Variants in ZNF502 observed in about 807,000 individuals in gnomAD.
ZNF502 encodes the protein zinc finger protein 502.
A neutral mutation model predicts 43.6 loss-of-function variants in ZNF502; 29 were observed. That is an observed-to-expected ratio of 0.67 (90% CI 0.50 to 0.91). ZNF502 has a LOEUF of 0.91. Among genes scored for constraint, ZNF502 ranks in the 40% least tolerant of loss-of-function variants. The pLI is 0.00. For missense variants in ZNF502, 591 were observed against 647.2 expected (o/e 0.91, Z 0.94); for synonymous variants, 171 against 207.4 (o/e 0.82, Z 1.51).
chr3:44,719,745 C>T (rs1276813447), intron 1 of ZNF502, among the ~76,000 whole-genome samples: 2 of 152,192 alleles, frequency 1.3e-5, no homozygotes, highest in Non-Finnish European at 2.9e-5. Context: ...ACTATCTCAG[C>T]TCCTTGGCAT....
rs1423749812 is a variant in ZNF502, at chr3:44,721,560, TC to T, written c.745del (p.Arg249AlafsTer206). On this transcript the variant is annotated frameshift_variant, in exon 3 of 3. Transcript: ENST00000436624. LOFTEE classifies it high-confidence loss of function. ...AAATGCAATGAATGTGGGAATTCCT[TC>T]CGCAATCACTCACATCTCACTGAAC... The part of the protein sequence containing the change: ...PYKCNECGNS[F>X]RNHSHLTEHQ... 1 of 1,607,578 alleles carries T rather than the reference TC, an allele frequency of 6.2e-7. No individual in the cohort carries two copies. Among genetic ancestry groups the T allele is most frequent in the Admixed American group, 1.7e-5 (1 of 59,572 alleles).
chr3:44,720,862 T>C lies in ZNF502; in HGVS notation c.56-11T>C, dbSNP rs763340434. Reference sequence around the variant, plus strand: ...TGTACAGGAGATATTCATTCTGCTGTTTTCTTTCAGGCTGGGTAAACAAGA... The same window carrying C: ...TGTACAGGAGATATTCATTCTGCTGCTTTCTTTCAGGCTGGGTAAACAAGA... On this transcript the variant is annotated splice_polypyrimidine_tract_variant and intron_variant, in intron 2 of 2. Coordinates refer to ENST00000436624, the MANE Select transcript of ZNF502 (RefSeq NM_001134442.3). The C allele has an allele frequency of 1.2e-6, 2 of 1,601,660 alleles. No individual in the cohort carries two copies. The highest frequency in any genetic ancestry group is 3.4e-5 in the Admixed American group (2 of 58,180).
At position 44,721,084 on chromosome 3, in the gene ZNF502, C is replaced by T. The variant is rs1704309046; in HGVS notation, c.267C>T (p.Ile89=). 2 of 1,614,112 alleles carry T rather than the reference C, an allele frequency of 1.2e-6. No individual in the cohort carries two copies. Among genetic ancestry groups the T allele is most frequent in the East Asian group, 4.5e-5 (2 of 44,888 alleles). ...GAGGTTTTGGGAGAATAACTTTCAT[C>T]CACAAAGAAGCACCCCCTGAAATTA... The part of the protein sequence containing the change: ...QEGGFGRITF[I]HKEAPPEIIS... Residue 89 remains isoleucine, a synonymous_variant, in exon 3 of 3, where the codon ATC becomes ATT. Transcript: ENST00000436624.
intron 2 of ZNF502, among the ~76,000 whole-genome samples, chr3:44,720,621 A>G (rs763395423): frequency 6.6e-6 from 1 of 151,920 alleles, no homozygotes; most frequent in Non-Finnish European, 1.5e-5. Context: ...ATTTATCTCT[A>G]TTGTCTCATT....
Position 44,720,269 on chromosome 3 carries a change from A to G in ZNF502, c.8A>G (p.Asn3Ser). ML[N>S]MQGAEERDIR... ...CGAAGAGACGATCTGTGGATGTTGA[A>G]TATGCAAGGAGCTGAAGAGAGAGAC... is the stretch of plus-strand genomic sequence containing the variant. The change falls in exon 2 of 3, where the codon AAT becomes AGT. Residue 3 changes from asparagine (N) to serine (S), a missense_variant. Asn to Ser is a conservative substitution (Grantham distance 46). Coordinates refer to ENST00000436624, the MANE Select transcript of ZNF502 (RefSeq NM_001134442.3). 1 of 1,614,132 alleles carries G rather than the reference A, an allele frequency of 6.2e-7. No homozygotes were observed. Among genetic ancestry groups the G allele is most frequent in the Middle Eastern group, 1.6e-4 (1 of 6,062 alleles).
Position 44,723,041 on chromosome 3 carries a change from G to A in ZNF502, c.*589G>A, listed in dbSNP as rs549059716. The stretch of plus-strand genomic sequence containing the variant: ...AAAAATGAGATATAAAGCAACAACT[G>A]GGCTGACCTCTATAGATCTGCCAGT... On this transcript the variant is annotated 3_prime_UTR_variant, in exon 3 of 3. Coordinates refer to ENST00000436624, the MANE Select transcript of ZNF502 (RefSeq NM_001134442.3). 1 of 151,498 alleles carries A rather than the reference G, an allele frequency of 6.6e-6. No individual in the cohort carries two copies. The highest frequency in any genetic ancestry group is 6.6e-5 in the Admixed American group (1 of 15,206). The allele number at this position is 151,498 out of a possible 1,614,324, so 9.4% of individuals were successfully genotyped here. A position where few individuals can be genotyped will look rare whatever the true frequency, so the allele number is the denominator to read the frequency against.
intron 1 of ZNF502, 48 bp from the exon 2 acceptor site, chr3:44,720,155 G>A: frequency 8.5e-7 from 1 of 1,182,050 alleles, no homozygotes. Flanking sequence ...CTGTTTACTG[G>A]GACAGTAATA....
chr3:44,720,931 A>G lies in ZNF502; in HGVS notation c.114A>G (p.Ser38=), dbSNP rs755584123. ...LEQDVCKIDS[S]GIVVKRFQED... ...AGGATGTCTGTAAAATTGACTCATC[A>G]GGGATAGTAGTAAAGAGGTTCCAAG... Residue 38 remains serine (S), a synonymous_variant, in exon 3 of 3, where the codon TCA becomes TCG. Coordinates refer to ENST00000436624, the MANE Select transcript of ZNF502 (RefSeq NM_001134442.3). 2.4e-5 allele frequency: 39 copies of G among 1,613,978 alleles called. No homozygotes were observed. Among genetic ancestry groups the G allele is most frequent in the Admixed American group, 2.0e-4 (12 of 59,996 alleles).
At chr3:44,715,216 A>G (rs549549728) in intron 1 of ZNF502, among the ~76,000 whole-genome samples, 2 of 152,144 alleles carry the variant, frequency 1.3e-5, no homozygotes, top group East Asian at 3.8e-4. Flanking sequence ...TGAGTGCTTA[A>G]TGCCAGTATA....
In ZNF502 at chr3:44,723,751, G is replaced by C. The variant is rs1480842298; in HGVS notation, c.*1299G>C. 6.6e-6 allele frequency: 1 copy of C among 151,830 alleles called. No homozygotes were observed. Among genetic ancestry groups the C allele is most frequent in the African/African-American group, 2.4e-5 (1 of 41,282 alleles). 9.4% of individuals were successfully genotyped at this position (151,830 alleles called of 1,614,324 possible). A position where few individuals can be genotyped will look rare whatever the true frequency, so the allele number is the denominator to read the frequency against. ...GAAGATTGAGGATAGCCTTTGATTG[G>C]TATTTAAAATAATTTCTAAGCTGTG... is the stretch of plus-strand genomic sequence containing the variant. On this transcript the variant is annotated 3_prime_UTR_variant, in exon 3 of 3. Coordinates refer to ENST00000436624, the MANE Select transcript of ZNF502 (RefSeq NM_001134442.3).
chr3:44,717,986 T>C (rs900058328), intron 1 of ZNF502, among the ~76,000 whole-genome samples: 1 of 152,224 alleles, frequency 6.6e-6, no homozygotes, highest in Admixed American at 6.5e-5. Context: ...AGACTCACTG[T>C]TGGAGTTTTC....
intron 1 of ZNF502, among the ~76,000 whole-genome samples, chr3:44,713,721 C>T (rs1704078875): frequency 6.6e-6 from 1 of 152,090 alleles, no homozygotes; most frequent in Non-Finnish European, 1.5e-5. Context: ...GCTGGGATTA[C>T]AGGCATGCGC....
intron 1 of ZNF502, among the ~76,000 whole-genome samples, chr3:44,717,257 T>A (rs184194938): frequency 2.6e-5 from 4 of 152,258 alleles, no homozygotes; most frequent in Admixed American, 2.0e-4. Context: ...GAATTATCTA[T>A]CTTTTTGTGA....
At chr3:44,713,970 A>G (rs1704084723) in intron 1 of ZNF502, among the ~76,000 whole-genome samples, 1 of 152,176 alleles carries the variant, frequency 6.6e-6, no homozygotes, top group East Asian at 1.9e-4. Flanking sequence ...AGGCTGCATA[A>G]GAGATAAAGT....
rs749735502 is a variant in ZNF502, at chr3:44,721,707, G to A, written c.890G>A (p.Cys297Tyr). Residue 297 changes from cysteine to tyrosine, a missense_variant, in exon 3 of 3, where the codon TGC becomes TAC. Physicochemically the swap from Cys to Tyr is radical, Grantham distance 194. Coordinates refer to ENST00000436624, the MANE Select transcript of ZNF502 (RefSeq NM_001134442.3). Reference sequence around the variant, plus strand: ...CACACTGGTGAGAAGCCTTACATATGCAGTGAATGTGGCTCTTCTTTTCGA... The same window carrying A: ...CACACTGGTGAGAAGCCTTACATATACAGTGAATGTGGCTCTTCTTTTCGA... ...RIHTGEKPYI[C>Y]SECGSSFRKH... The A allele has an allele frequency of 1.2e-6, 2 of 1,613,460 alleles. No individual in the cohort carries two copies. The highest frequency in any genetic ancestry group is 1.7e-4 in the Middle Eastern group (1 of 6,058).
At chr3:44,719,784 T>C (rs1704255852) in intron 1 of ZNF502, among the ~76,000 whole-genome samples, 2 of 152,226 alleles carry the variant, frequency 1.3e-5, no homozygotes, top group African/African-American at 4.8e-5. Flanking sequence ...TCAGACTTAA[T>C]GCACAAGCTT....
At chr3:44,715,650 A>G (rs1044840498) in intron 1 of ZNF502, among the ~76,000 whole-genome samples, 1 of 152,144 alleles carries the variant, frequency 6.6e-6, no homozygotes, top group African/African-American at 2.4e-5. Context: ...ATTATTCACA[A>G]TTCATTATTT....
chr3:44,714,142 G>A (rs1429436549), intron 1 of ZNF502, among the ~76,000 whole-genome samples: 1 of 152,156 alleles, frequency 6.6e-6, no homozygotes, highest in African/African-American at 2.4e-5. Flanking sequence ...TAATTATTGA[G>A]GGGTAAGGAG....
At chr3:44,714,301 A>G (rs573746796) in intron 1 of ZNF502, among the ~76,000 whole-genome samples, 2 of 152,192 alleles carry the variant, frequency 1.3e-5, no homozygotes, top group Non-Finnish European at 2.9e-5. Flanking sequence ...TCTTTTTAGC[A>G]TCTTAAAATC....
Sources: gnomAD v4.1 joint callset for allele counts (sites outside exome capture counted in the v4.1 genomes callset) on GRCh38, gnomAD v4.1.1 for gene constraint, MANE v1.5 for transcripts, NCBI Gene and HGNC (gene_info 2026-07-23, HGNC 2026-07-21) for gene names.